Variants in APOLD1 observed in about 807,000 individuals in gnomAD.
APOLD1 encodes apolipoprotein L domain-containing protein 1.
APOLD1 carries 22 observed loss-of-function variants against 15.3 expected under a neutral mutation model. The ratio of observed to expected loss-of-function variants is 1.44; its 90% CI spans 1.03 to 2.05. APOLD1 has a LOEUF of 2.05. Ranked by LOEUF, APOLD1 falls within the 30% of genes most tolerant of loss-of-function variation. The pLI, the probability that APOLD1 is intolerant of heterozygous loss-of-function variation, is 0.00. For missense variants in APOLD1, 394 were observed against 353.5 expected (o/e 1.11, Z -0.92); for synonymous variants, 190 against 167.4 (o/e 1.13, Z -1.04).
intron 1 of APOLD1, chr12:12,726,187 A>G (rs570936116): frequency 1.2e-6 from 1 of 869,170 alleles, no homozygotes; most frequent in Non-Finnish European, 1.7e-6. Context: ...AAAAGAGGAA[A>G]TAGAGGAAAA....
In APOLD1 at chr12:12,787,075, T is replaced by G. The variant is rs531272066; in HGVS notation, c.170T>G (p.Val57Gly). ...CGCAGGCGCTCCCTCGTAGCCAACGTGGCCGGCAGCTCGCTGAGCGCAACG... is the reference window on the plus strand; with the variant it reads ...CGCAGGCGCTCCCTCGTAGCCAACGGGGCCGGCAGCTCGCTGAGCGCAACG... ...RLRRRSLVAN[V>G]AGSSLSATGA... The change falls in exon 2 of 2, where the codon GTG (valine) becomes GGG (glycine). Residue 57 changes from valine to glycine, a missense_variant. Val to Gly is a moderately radical substitution (Grantham distance 109). Coordinates refer to ENST00000356591, the MANE Select transcript of APOLD1 (RefSeq NM_030817.3). This position sits in a 1 kb window ranked among gnomAD's most constrained non-coding sequence, Gnocchi z 4.9. 123 of 1,391,996 alleles carry G rather than the reference T, an allele frequency of 8.8e-5. No individual in the cohort carries two copies. In the African/African-American group the frequency reaches 1.2e-3, roughly 13 times the overall value. The allele number at this position is 1,391,996 out of a possible 1,614,324, so 86.2% of individuals were successfully genotyped here. A position where few individuals can be genotyped will look rare whatever the true frequency, so the allele number is the denominator to read the frequency against.
At chr12:12,780,975 C>T (rs1413964497), upstream of APOLD1, among the ~76,000 whole-genome samples, 1 of 151,878 alleles carries the variant, frequency 6.6e-6, no homozygotes, top group Non-Finnish European at 1.5e-5. Context: ...GTCATCATCA[C>T]ATAACTTTAA....
intron 1 of APOLD1, among the ~76,000 whole-genome samples, chr12:12,762,192 G>A (rs948510040): frequency 6.6e-6 from 1 of 152,004 alleles, no homozygotes; most frequent in Non-Finnish European, 1.5e-5. Context: ...AGGTACAAAG[G>A]AGAGGGCATA....
At chr12:12,746,301 A>T (rs570933652) in intron 1 of APOLD1, among the ~76,000 whole-genome samples, 2 of 152,288 alleles carry the variant, frequency 1.3e-5, no homozygotes, top group African/African-American at 4.8e-5. Context: ...TTCGAGACCA[A>T]CCTGGCCAAC....
intron 1 of APOLD1, among the ~76,000 whole-genome samples, chr12:12,763,345 C>T (rs759898686): frequency 3.3e-5 from 5 of 151,880 alleles, no homozygotes; most frequent in East Asian, 1.9e-4. Context: ...AAATTGGTTC[C>T]GGGACACCCT....
chr12:12,738,847 A>G (rs1037041621), intron 1 of APOLD1, among the ~76,000 whole-genome samples: 7 of 152,196 alleles, frequency 4.6e-5, no homozygotes, highest in African/African-American at 1.7e-4. Context: ...TAGAAGGTGC[A>G]TTGTGGAGTA....
At chr12:12,726,156 C>CAAAAAAAAAAAA (rs745785485) in intron 1 of APOLD1, 7 of 113,654 alleles carry the variant, frequency 6.2e-5, no homozygotes, top group South Asian at 8.8e-5. Flanking sequence ...TCTTCGCAAC[C>CAAAAAAAAAAAA]AAAAAAAAAA....
At chr12:12,784,164 T>C (rs1181711210), upstream of APOLD1, among the ~76,000 whole-genome samples, 1 of 152,218 alleles carries the variant, frequency 6.6e-6, no homozygotes, top group Non-Finnish European at 1.5e-5. Flanking sequence ...GAAGACCCTG[T>C]ATCCCAGCAA....
chr12:12,749,577 A>G (rs1050606683), intron 1 of APOLD1, among the ~76,000 whole-genome samples: 1 of 152,160 alleles, frequency 6.6e-6, no homozygotes, highest in African/African-American at 2.4e-5. Context: ...TTTTGCAGCC[A>G]ATTAGTTGTT....
rs560542058 is a variant in APOLD1, at chr12:12,764,423, A to G, written c.97-22486A>G. The stretch of plus-strand genomic sequence containing the variant: ...TGGAAAAAAAGTTGCATAGCAATAT[A>G]TAATATGCTATTTTTGTAAAAGAAA... On this transcript the variant is annotated intron_variant, in intron 1 of 1. Coordinates refer to the APOLD1 transcript ENST00000326765. 4.5e-4 allele frequency among the ~76,000 whole-genome samples: 68 copies of G among 152,352 alleles called. 1 individual carries two copies. Among genetic ancestry groups the G allele is most frequent in the Admixed American group, 2.0e-3 (31 of 15,300 alleles).
intron 1 of APOLD1, among the ~76,000 whole-genome samples, chr12:12,736,680 G>A (rs1002527755): frequency 4.6e-5 from 7 of 152,276 alleles, no homozygotes; most frequent in African/African-American, 1.7e-4. Context: ...TCAAGCTTTC[G>A]CCTTGATAGT....
At chr12:12,735,733 G>T (rs1221967185) in intron 1 of APOLD1, among the ~76,000 whole-genome samples, 1 of 151,818 alleles carries the variant, frequency 6.6e-6, no homozygotes, top group Non-Finnish European at 1.5e-5. Flanking sequence ...TTCGAGGTTA[G>T]GCATCGAAGA....
In APOLD1 at chr12:12,731,066, G is replaced by A. The variant is rs551045602; in HGVS notation, c.96+4970G>A. Among the ~76,000 whole-genome samples the A allele has an allele frequency of 8.7e-4, 133 of 152,264 alleles. 1 individual carries two copies. Among genetic ancestry groups the A allele is most frequent in the Middle Eastern group, 3.4e-3 (1 of 294 alleles). ...TGAGGCAGGAGAATGGCGTGAACCC[G>A]GGAGGCGGAGCTTGCAGTGGGCCGA... On this transcript the variant is annotated intron_variant, in intron 1 of 1. Coordinates refer to the APOLD1 transcript ENST00000326765.
upstream of APOLD1, among the ~76,000 whole-genome samples, chr12:12,785,227 C>T (rs1461200627): frequency 6.6e-6 from 1 of 152,134 alleles, no homozygotes; most frequent in Non-Finnish European, 1.5e-5. Flanking sequence ...GGAGTATGAG[C>T]GGCTATGTCA....
At chr12:12,768,527 G>C (rs1056191931) in intron 1 of APOLD1, among the ~76,000 whole-genome samples, 2 of 152,008 alleles carry the variant, frequency 1.3e-5, no homozygotes, top group African/African-American at 4.8e-5. Context: ...TCATGCACCT[G>C]TGGAGTCCCA....
intron 1 of APOLD1, among the ~76,000 whole-genome samples, chr12:12,770,671 A>G (rs552598662): frequency 6.6e-6 from 1 of 151,970 alleles, no homozygotes; most frequent in African/African-American, 2.4e-5. Flanking sequence ...AAGAAAGAGA[A>G]TACAGAATAA....
At chr12:12,785,521 C>G, upstream of APOLD1, 1 of 1,104,608 alleles carries the variant, frequency 9.1e-7, no homozygotes, top group Non-Finnish European at 1.3e-6. Context: ...GGTCATTTTC[C>G]ACCATGTCAC....
intron 1 of APOLD1, among the ~76,000 whole-genome samples, chr12:12,749,315 A>C (rs1045687813): frequency 2.0e-5 from 3 of 152,188 alleles, no homozygotes; most frequent in African/African-American, 4.8e-5. Context: ...AGGCAGGAGA[A>C]TAGGGTCTGG....
At chr12:12,733,691 C>T (rs1312696295) in intron 1 of APOLD1, among the ~76,000 whole-genome samples, 1 of 152,186 alleles carries the variant, frequency 6.6e-6, no homozygotes, top group East Asian at 1.9e-4. Context: ...CAACCTTCGC[C>T]TCCTGGGTTC....
Sources: gnomAD v4.1 joint callset for allele counts (sites outside exome capture counted in the v4.1 genomes callset) on GRCh38, gnomAD v4.1.1 for gene constraint, Gnocchi (gnomAD v3.1) non-coding constraint, MANE v1.5 for transcripts, NCBI Gene and HGNC (gene_info 2026-07-23, HGNC 2026-07-21) for gene names.